The following RARS1 variants were observed in gnomAD, a reference collection of about 807,000 sequenced individuals.
RARS1 encodes arginyl-tRNA synthetase 1, also known as arginine--tRNA ligase, cytoplasmic.
In RARS1, 75 loss-of-function variants were observed where a neutral mutation model predicts 78.7. The observed-to-expected ratio is 0.95, with a 90% confidence interval of 0.79 to 1.15. RARS1 has a LOEUF of 1.15. Among genes scored for constraint, RARS1 ranks in the 50% most tolerant of loss-of-function variants. RARS1 has a pLI of 0.00. For missense variants in RARS1, 787 were observed against 787.5 expected, an observed-to-expected ratio of 1.00 and a Z score of 0.01; for synonymous variants, 273 against 268.2, an observed-to-expected ratio of 1.02 and a Z score of -0.18.
At chr5:168,503,103 G>T (rs1281257581) in intron 9 of RARS1, among the ~76,000 whole-genome samples, 2 of 152,172 alleles carry the variant, frequency 1.3e-5, no homozygotes, top group Non-Finnish European at 2.9e-5. Flanking sequence ...TTGCAAGAAT[G>T]CAGGCAATGA....
At chr5:168,504,992 GA>G (rs1447688347) in intron 9 of RARS1, among the ~76,000 whole-genome samples, 1 of 152,026 alleles carries the variant, frequency 6.6e-6, no homozygotes, top group African/African-American at 2.4e-5. Context: ...GACCCTGTCT[GA>G]AAAAAATAAA....
rs764328052 is a variant in RARS1, at chr5:168,517,929, G to A, written c.1740G>A (p.Arg580=). 74 of 1,613,734 alleles carry A rather than the reference G, an allele frequency of 4.6e-5. No individual in the cohort carries two copies. The highest frequency in any genetic ancestry group is 8.3e-5 in the Admixed American group (5 of 59,976). The change falls in exon 14 of 15, where the codon CGG becomes CGA. Residue 580 remains arginine, a synonymous_variant. Transcript: ENST00000231572. ...KEWKLGRCIL[R]FPEILQKILD... ...GGAAACTAGGCCGGTGCATTTTACG[G>A]TTCCCTGAGATTCTGCAAAAGATTT...
Position 168,497,341 on chromosome 5 carries a change from T to C in RARS1, c.815T>C (p.Phe272Ser). 6.4e-7 allele frequency: 1 copy of C among 1,574,716 alleles called. No homozygotes were observed. The highest frequency in any genetic ancestry group is 8.6e-7 in the Non-Finnish European group (1 of 1,158,874). Reference protein sequence around the residue: ...VSPPIGDLQVFYKESKKRFDT... With the variant: ...VSPPIGDLQVSYKESKKRFDT... ...CCTCCTATTGGGGATCTTCAGGTCT[T>C]TTATAAGGTTTGATACCATTTCTTT... The change falls in exon 7 of 15, where the codon TTT (phenylalanine) becomes TCT (serine). Residue 272 changes from phenylalanine to serine, a missense_variant. Physicochemically the swap from Phe to Ser is radical, Grantham distance 155 (BLOSUM62 -2). Transcript: ENST00000231572.
chr5:168,504,530 A>G (rs1582435970), intron 9 of RARS1, among the ~76,000 whole-genome samples: 2 of 149,976 alleles, frequency 1.3e-5, no homozygotes, highest in East Asian at 2.0e-4. Flanking sequence ...TCAAAAAAAA[A>G]AAAAGAAAAA....
intron 1 of RARS1, among the ~76,000 whole-genome samples, chr5:168,487,198 T>C (rs1252810816): frequency 1.4e-4 from 20 of 148,100 alleles, no homozygotes. Context: ...CCGTCTCTAC[T>C]GAAAATACAA....
rs543654707 is a variant in RARS1, at chr5:168,501,520, C to T, written c.953-481C>T. Among the ~76,000 whole-genome samples the T allele has an allele frequency of 2.2e-3, 331 of 152,184 alleles. 1 individual carries two copies. The highest frequency in any genetic ancestry group is 3.5e-3 in the Non-Finnish European group (238 of 68,012). ...GGTGGATCACCTGAGATCAGGAGTT[C>T]GAGACCAGCCTGGCCAACATGGTGA... On this transcript the variant is annotated intron_variant, in intron 8 of 14. Coordinates refer to ENST00000231572, the MANE Select transcript of RARS1 (RefSeq NM_002887.4).
Position 168,495,359 on chromosome 5 carries a change from TGTA to T in RARS1, c.626_628del (p.Val209del). On this transcript the variant is annotated inframe_deletion, in exon 6 of 15. Transcript: ENST00000231572. ...CCCCTAATATAGCTAAAGAGATGCA[TGTA>T]GGCCACCTGAGGTCAACTATCATAG... is the stretch of plus-strand genomic sequence containing the variant. The T allele has an allele frequency of 6.2e-7, 1 of 1,614,116 alleles. No homozygotes were observed. The highest frequency in any genetic ancestry group is 1.1e-5 in the South Asian group (1 of 91,080).
At chr5:168,493,503 C>G (rs981578430) in intron 3 of RARS1, among the ~76,000 whole-genome samples, 2 of 151,608 alleles carry the variant, frequency 1.3e-5, no homozygotes, top group Admixed American at 6.6e-5. Flanking sequence ...TTAAAAAGTT[C>G]GAGGTGTTGT....
At chr5:168,516,395 C>G (rs1223241395) in intron 12 of RARS1, among the ~76,000 whole-genome samples, 1 of 152,030 alleles carries the variant, frequency 6.6e-6, no homozygotes, top group Non-Finnish European at 1.5e-5. Flanking sequence ...TTAACGCTAA[C>G]TTTTTGTTTG....
At chr5:168,513,920 A>G (rs180866830) in intron 12 of RARS1, among the ~76,000 whole-genome samples, 1 of 152,146 alleles carries the variant, frequency 6.6e-6, no homozygotes, top group Admixed American at 6.5e-5. Flanking sequence ...CAATGTTTTT[A>G]TTGGGTATAG....
chr5:168,504,980 A>G (rs1362951333), intron 9 of RARS1, among the ~76,000 whole-genome samples: 1 of 152,196 alleles, frequency 6.6e-6, no homozygotes, highest in Non-Finnish European at 1.5e-5. Flanking sequence ...ATGACAGAGC[A>G]AGACCCTGTC....
intron 11 of RARS1, among the ~76,000 whole-genome samples, chr5:168,508,353 T>G (rs1364586643): frequency 6.6e-6 from 1 of 151,668 alleles, no homozygotes; most frequent in Non-Finnish European, 1.5e-5. Context: ...CCAGGCACAG[T>G]GTCTCACACC....
At chr5:168,514,978 T>G (rs1758634267) in intron 12 of RARS1, among the ~76,000 whole-genome samples, 1 of 152,158 alleles carries the variant, frequency 6.6e-6, no homozygotes, top group Non-Finnish European at 1.5e-5. Flanking sequence ...CTTATAAGTC[T>G]TATAAGCTGT....
At chr5:168,516,478 T>C (rs1479061198) in intron 12 of RARS1, among the ~76,000 whole-genome samples, 1 of 152,244 alleles carries the variant, frequency 6.6e-6, no homozygotes, top group Non-Finnish European at 1.5e-5. Context: ...AACTAATAAT[T>C]GATGCTTCTG....
At chr5:168,496,883 G>A (rs1189920990) in intron 6 of RARS1, 1 of 181,656 alleles carries the variant, frequency 5.5e-6, no homozygotes, top group East Asian at 1.4e-4. Context: ...TCATAAAATT[G>A]TGGGAATAAC....
Position 168,518,071 on chromosome 5 carries a change from C to CTGTTTTTTTTTTTTTTTTTTTTTT in RARS1, c.1873+10_1873+11insGTTTTTTTTTTTTTTTTTTTTTTT. On this transcript the variant is annotated intron_variant, in intron 14 of 14. Coordinates refer to ENST00000231572, the MANE Select transcript of RARS1 (RefSeq NM_002887.4). ...GAAAGATAGACAGACTGGTGAGTGT[C>CTGTTTTTTTTTTTTTTTTTTTTTT]TTTTTTTTTTTTTTTTTTTTTTTTA... 3 of 747,560 alleles carry CTGTTTTTTTTTTTTTTTTTTTTTT rather than the reference C, an allele frequency of 4.0e-6. No individual in the cohort carries two copies. Among genetic ancestry groups the CTGTTTTTTTTTTTTTTTTTTTTTT allele is most frequent in the Non-Finnish European group, 3.2e-6 (2 of 622,936 alleles). 46.3% of individuals were successfully genotyped at this position (747,560 alleles called of 1,614,324 possible).
chr5:168,488,679 G>A lies in RARS1; in HGVS notation c.123G>A (p.Leu41=). 1.2e-6 allele frequency: 2 copies of A among 1,612,604 alleles called. No homozygotes were observed. The highest frequency in any genetic ancestry group is 2.2e-5 in the South Asian group (2 of 90,618). Residue 41 remains leucine (L), a synonymous_variant, in exon 2 of 15, where the codon TTG becomes TTA. Coordinates refer to ENST00000231572, the MANE Select transcript of RARS1 (RefSeq NM_002887.4). ...NCGCLGASPN[L]EQLQEENLKL... ...GCTGTTTAGGAGCTTCTCCAAATTT[G>A]GAGCAGTTACAAGAAGAAAATTTAA...
rs986644505 is a variant in RARS1 at position 168,486,552 on chromosome 5, G to T, written c.45+9G>T. ...CGCGGCTGCTGCAGCAGGTTTGGAC[G>T]CAGGAGACCGGCGGGAAGGCCTGAA... On this transcript the variant is annotated intron_variant, in intron 1 of 14. Transcript: ENST00000231572. 6.4e-7 allele frequency: 1 copy of T among 1,555,650 alleles called. No individual in the cohort carries two copies.
intron 2 of RARS1, among the ~76,000 whole-genome samples, chr5:168,490,504 A>G (rs1758061058): frequency 6.6e-6 from 1 of 152,214 alleles, no homozygotes; most frequent in Non-Finnish European, 1.5e-5. Flanking sequence ...TATAGCTAGG[A>G]GAATGCTCTC....
Sources: allele counts gnomAD v4.1 joint callset (sites outside exome capture counted in the v4.1 genomes callset), GRCh38; gene constraint gnomAD v4.1.1; transcripts MANE v1.5; gene names NCBI Gene and HGNC (gene_info 2026-07-23, HGNC 2026-07-21).